The following AP1S3 variants were observed in gnomAD, a reference collection of about 807,000 sequenced individuals.
The protein encoded by AP1S3 is adaptor related protein complex 1 subunit sigma 3, also known as AP-1 complex subunit sigma-3.
AP1S3 carries 10 observed loss-of-function variants against 20.9 expected under a neutral mutation model. That is an observed-to-expected ratio of 0.48 (90% CI 0.29 to 0.81). The LOEUF is 0.81. AP1S3 is among the 30% of genes least tolerant of loss of function. The pLI is 0.08. For missense variants in AP1S3, 154 were observed against 183.8 expected, an observed-to-expected ratio of 0.84 and a Z score of 0.94; for synonymous variants, 41 against 61.5, an observed-to-expected ratio of 0.67 and a Z score of 1.56.
chr2:223,767,308 C>G (rs575597046), intron 3 of AP1S3, among the ~76,000 whole-genome samples: 1 of 152,260 alleles, frequency 6.6e-6, no homozygotes, highest in East Asian at 1.9e-4. Context: ...CCCTTGCTCC[C>G]CTGATTTTGG....
At chr2:223,822,110 C>A (rs903508567) in intron 1 of AP1S3, among the ~76,000 whole-genome samples, 1 of 152,182 alleles carries the variant, frequency 6.6e-6, no homozygotes, top group Non-Finnish European at 1.5e-5. Flanking sequence ...CAACTCCTGG[C>A]CAGGCACAGT....
Position 223,757,314 on chromosome 2 carries a change from C to T in AP1S3, c.*1401G>A, listed in dbSNP as rs149495983. ...GACTACAGGCACGCACCACCACTCC[C>T]GGCTAATTTTTGTATTTTTAATAGA... On this transcript the variant is annotated 3_prime_UTR_variant, in exon 5 of 5. Coordinates refer to ENST00000396654, the MANE Select transcript of AP1S3 (RefSeq NM_001039569.2). The T allele has an allele frequency of 2.2e-3, 348 of 154,972 alleles. 1 individual carries two copies. The highest frequency in any genetic ancestry group is 3.1e-3 in the Non-Finnish European group (221 of 70,434). 9.6% of individuals were successfully genotyped at this position (154,972 alleles called of 1,614,324 possible). A position where few individuals can be genotyped will look rare whatever the true frequency, so the allele number is the denominator to read the frequency against.
intron 3 of AP1S3, chr2:223,770,267 G>T: frequency 6.4e-7 from 1 of 1,550,570 alleles, no homozygotes; most frequent in Non-Finnish European, 8.7e-7. Context: ...CAAGGCAGGC[G>T]TAGACCAGGA....
At chr2:223,763,654 C>A (rs1277519597) in intron 4 of AP1S3, among the ~76,000 whole-genome samples, 3 of 152,180 alleles carry the variant, frequency 2.0e-5, no homozygotes, top group Non-Finnish European at 4.4e-5. Context: ...AGTTTAGATG[C>A]ACTTTTTGAG....
At chr2:223,780,022 C>T (rs1418417030) in intron 1 of AP1S3, among the ~76,000 whole-genome samples, 1 of 151,734 alleles carries the variant, frequency 6.6e-6, no homozygotes, top group Non-Finnish European at 1.5e-5. Flanking sequence ...TAAAATGCCA[C>T]GACATAAATC....
intron 1 of AP1S3, among the ~76,000 whole-genome samples, chr2:223,820,681 A>AAC (rs1691966679): frequency 6.6e-6 from 1 of 151,788 alleles, no homozygotes; most frequent in Admixed American, 6.6e-5. Context: ...AAAAAAAAAA[A>AAC]AAACAAGCCA....
chr2:223,790,993 C>T (rs1691204698), intron 1 of AP1S3, among the ~76,000 whole-genome samples: 1 of 152,102 alleles, frequency 6.6e-6, no homozygotes, highest in African/African-American at 2.4e-5. Context: ...CCTGAATAGA[C>T]CAATAGACCA....
Position 223,836,542 on chromosome 2 carries a change from C to T in AP1S3, c.3+906G>A, listed in dbSNP as rs546360571. Among the ~76,000 whole-genome samples, 14 of 152,302 alleles carry T rather than the reference C, an allele frequency of 9.2e-5. No individual in the cohort carries two copies. In the South Asian group the frequency reaches 2.5e-3, roughly 27 times the overall value. ...ATCACCTGAGGTCAGGAGTTCGAGACCAGCCTGGCCAACATGGTGAAACCC... is the reference window on the plus strand; with the variant it reads ...ATCACCTGAGGTCAGGAGTTCGAGATCAGCCTGGCCAACATGGTGAAACCC... On this transcript the variant is annotated intron_variant, in intron 1 of 4. Coordinates refer to ENST00000396654, the MANE Select transcript of AP1S3 (RefSeq NM_001039569.2).
intron 1 of AP1S3, among the ~76,000 whole-genome samples, chr2:223,780,294 TATATATATATATATAGAGAG>T (rs1461400816): frequency 4.2e-5 from 2 of 47,096 alleles, no homozygotes; most frequent in African/African-American, 2.0e-4. Flanking sequence ...TATATATATA[TATATATATATATATAGAGAG>T]AGAGAGAGAG....
intron 3 of AP1S3, among the ~76,000 whole-genome samples, chr2:223,769,902 G>T (rs957372520): frequency 6.6e-6 from 1 of 151,614 alleles, no homozygotes; most frequent in Non-Finnish European, 1.5e-5. Context: ...CCGCTACCTC[G>T]CCCGGCTAAT....
At chr2:223,832,865 C>A (rs6710712) in intron 1 of AP1S3, among the ~76,000 whole-genome samples, 70,440 of 138,752 alleles carry the variant, frequency 0.51, 17,157 homozygotes, top group Middle Eastern at 0.6. Flanking sequence ...ACTTAAATAT[C>A]TTCTGAATAA....
Position 223,803,816 on chromosome 2 carries a change from C to T in AP1S3, c.4-25947G>A, listed in dbSNP as rs374090054. 2.8e-4 allele frequency among the ~76,000 whole-genome samples: 42 copies of T among 150,008 alleles called. No homozygotes were observed. In the East Asian group the frequency reaches 3.0e-3, roughly 11 times the overall value. On this transcript the variant is annotated intron_variant, in intron 1 of 4. Transcript: ENST00000396654. ...AATGGTGTGAACCTGGGAGGCAGAG[C>T]TTGCAGTGAGCCGAGATCGCGCCAC...
chr2:223,774,478 T>TG (rs1284176620), intron 3 of AP1S3, among the ~76,000 whole-genome samples: 3 of 152,048 alleles, frequency 2.0e-5, no homozygotes, highest in East Asian at 1.9e-4. Context: ...AACAACAGGC[T>TG]GGGGGGGTTG....
chr2:223,819,189 T>C (rs1204414133), intron 1 of AP1S3, among the ~76,000 whole-genome samples: 1 of 152,212 alleles, frequency 6.6e-6, no homozygotes, highest in Non-Finnish European at 1.5e-5. Context: ...CGCCCAGCCC[T>C]GGACTGTTTT....
chr2:223,819,222 T>C (rs1241570363), intron 1 of AP1S3, among the ~76,000 whole-genome samples: 9 of 152,234 alleles, frequency 5.9e-5, no homozygotes, highest in Admixed American at 5.9e-4. Context: ...ATCAGCTATG[T>C]GCAGAGAGAT....
chr2:223,780,620 G>A (rs1438628154), intron 1 of AP1S3, among the ~76,000 whole-genome samples: 3 of 150,788 alleles, frequency 2.0e-5, no homozygotes, highest in Non-Finnish European at 3.0e-5. Context: ...TTGTAGAAAC[G>A]AGGTCTCCCT....
chr2:223,784,991 G>A (rs1464175958), intron 1 of AP1S3, among the ~76,000 whole-genome samples: 4 of 152,136 alleles, frequency 2.6e-5, no homozygotes, highest in African/African-American at 7.2e-5. Flanking sequence ...CAATAATAGA[G>A]TTTAAATGAT....
intron 3 of AP1S3, among the ~76,000 whole-genome samples, chr2:223,775,547 A>C (rs1690762665): frequency 6.6e-6 from 1 of 152,170 alleles, no homozygotes; most frequent in African/African-American, 2.4e-5. Flanking sequence ...CCACCTCTTG[A>C]AAGCTTTGGG....
At chr2:223,827,919 T>G (rs1440317269) in intron 1 of AP1S3, among the ~76,000 whole-genome samples, 1 of 150,452 alleles carries the variant, frequency 6.6e-6, no homozygotes, top group Non-Finnish European at 1.5e-5. Context: ...ATTAGCTGGG[T>G]GTGGTAGCAG....
Sources: allele counts gnomAD v4.1 joint callset (sites outside exome capture counted in the v4.1 genomes callset), GRCh38; gene constraint gnomAD v4.1.1; transcripts MANE v1.5; gene names NCBI Gene and HGNC (gene_info 2026-07-23, HGNC 2026-07-21).